RSF1: variants seen among roughly 807,000 people sequenced by gnomAD.
The protein encoded by RSF1 is HBV pX-associated protein 8.
In RSF1, 13 loss-of-function variants were observed where a neutral mutation model predicts 145.2. The ratio of observed to expected loss-of-function variants is 0.09; its 90% CI spans 0.06 to 0.14. The LOEUF (loss-of-function observed/expected upper bound fraction) is 0.14, where lower values mean the gene tolerates loss of function less well. RSF1 is among the 10% of genes least tolerant of loss of function. The pLI is 1.00. For synonymous variants in RSF1, 577 were observed against 592.6 expected (o/e 0.97, Z 0.38); for missense variants, 1,517 against 1,718.2 (o/e 0.88, Z 2.07).
At chr11:77,798,635 C>T (rs372999112) in intron 1 of RSF1, among the ~76,000 whole-genome samples, 2 of 93,428 alleles carry the variant, frequency 2.1e-5, no homozygotes, top group Admixed American at 2.5e-4. Context: ...CACATATACA[C>T]CATGGAATAC....
At chr11:77,728,574 A>AAAGGGAAGGGAAGGAAAAAGGG (rs1961116148) in intron 4 of RSF1, among the ~76,000 whole-genome samples, 1 of 151,246 alleles carries the variant, frequency 6.6e-6, no homozygotes, top group Non-Finnish European at 1.5e-5. Context: ...AAGGAAGAGG[A>AAAGGGAAGGGAAGGAAAAAGGG]AAGGGAAGGG....
intron 1 of RSF1, among the ~76,000 whole-genome samples, chr11:77,820,263 C>A (rs1292668833): frequency 6.6e-6 from 1 of 152,198 alleles, no homozygotes; most frequent in South Asian, 2.1e-4. Context: ...ATGACCCCTC[C>A]CCGCCTCCAG....
chr11:77,676,577 T>C (rs1959707830), intron 13 of RSF1, among the ~76,000 whole-genome samples: 1 of 152,238 alleles, frequency 6.6e-6, no homozygotes, highest in South Asian at 2.1e-4. Context: ...CAATTTTGAA[T>C]GTTAAACAAC....
the RSF1 span, among the ~76,000 whole-genome samples, chr11:77,849,552 G>C: frequency 6.6e-6 from 1 of 152,116 alleles, no homozygotes; most frequent in African/African-American, 2.4e-5. Context: ...TAGAGACAGG[G>C]TCTCACTCTG....
In RSF1 at chr11:77,702,231, G is replaced by GGATCTGCTCTAC. The variant is rs1687478640; in HGVS notation, c.986_997dup (p.Asp332_Pro333insArgArgAlaAsp). 6.2e-7 allele frequency: 1 copy of GGATCTGCTCTAC among 1,613,676 alleles called. No homozygotes were observed. The highest frequency in any genetic ancestry group is 1.3e-5 in the African/African-American group (1 of 74,986). On this transcript the variant is annotated inframe_insertion, in exon 6 of 16. Transcript: ENST00000308488. The stretch of plus-strand genomic sequence containing the variant: ...CTCCATGCTACTTTTGGTATCTTTA[G>GGATCTGCTCTAC]GATCTGCTCTACATTCCTTCACCTC...
At chr11:77,779,469 G>A (rs896728938) in intron 1 of RSF1, among the ~76,000 whole-genome samples, 1 of 150,624 alleles carries the variant, frequency 6.6e-6, no homozygotes, top group African/African-American at 2.4e-5. Context: ...TGCAACCTCC[G>A]CCTCCTGGGT....
At chr11:77,788,684 T>C (rs1444410323) in intron 1 of RSF1, among the ~76,000 whole-genome samples, 22 of 151,996 alleles carry the variant, frequency 1.4e-4, no homozygotes. Flanking sequence ...TCCCAGTGGA[T>C]ACAGTTAAAC....
intron 1 of RSF1, among the ~76,000 whole-genome samples, chr11:77,782,868 T>C (rs1948418238): frequency 6.6e-6 from 1 of 152,232 alleles, no homozygotes; most frequent in Non-Finnish European, 1.5e-5. Flanking sequence ...TCTGACTCTT[T>C]ACAGAAAAAC....
chr11:77,783,302 A>T (rs998668555), intron 1 of RSF1, among the ~76,000 whole-genome samples: 33 of 152,220 alleles, frequency 2.2e-4, no homozygotes, highest in African/African-American at 7.7e-4. Context: ...ATTACCTTTT[A>T]AAAAGACTTT....
rs1959217930 is a variant in RSF1, at chr11:77,660,066, G to C, written c.*6851C>G. On this transcript the variant is annotated 3_prime_UTR_variant, in exon 16 of 16. Transcript: ENST00000308488. Reference sequence around the variant, plus strand: ...ATATTAAGTGAAAGAAATGACAGAAGTATTATAATAAAACATTTTGAAAGA... The same window carrying C: ...ATATTAAGTGAAAGAAATGACAGAACTATTATAATAAAACATTTTGAAAGA... The C allele has an allele frequency of 2.0e-5, 3 of 152,066 alleles. No homozygotes were observed. The highest frequency in any genetic ancestry group is 2.0e-4 in the Admixed American group (3 of 15,252). The allele number at this position is 152,066 out of a possible 1,614,324, so 9.4% of individuals were successfully genotyped here.
At chr11:77,855,852 C>T in the RSF1 span, among the ~76,000 whole-genome samples, 2 of 151,786 alleles carry the variant, frequency 1.3e-5, no homozygotes, top group Non-Finnish European at 2.9e-5. Flanking sequence ...GTAATCCCAG[C>T]ACTTTGGGAG....
the RSF1 span, among the ~76,000 whole-genome samples, chr11:77,835,455 T>C: frequency 7.4e-6 from 1 of 134,738 alleles, no homozygotes; most frequent in African/African-American, 3.0e-5. Flanking sequence ...CCACTATGCT[T>C]TGGGGTATGT....
intron 1 of RSF1, among the ~76,000 whole-genome samples, chr11:77,793,667 A>T (rs1948543017): frequency 6.6e-6 from 1 of 152,190 alleles, no homozygotes; most frequent in Non-Finnish European, 1.5e-5. Context: ...TGGCTGCGAC[A>T]TCTGTCACTC....
intron 5 of RSF1, among the ~76,000 whole-genome samples, chr11:77,704,753 GTTTT>G (rs72141127): frequency 7.4e-6 from 1 of 134,520 alleles, no homozygotes; most frequent in African/African-American, 2.7e-5. Flanking sequence ...GTTTGCCTTG[GTTTT>G]TTTTTTTTTT....
At chr11:77,835,353 CCTG>C in the RSF1 span, among the ~76,000 whole-genome samples, 1 of 152,100 alleles carries the variant, frequency 6.6e-6, no homozygotes, top group East Asian at 1.9e-4. Context: ...GAGGCTGAAA[CCTG>C]GAAGCCACCT....
At chr11:77,673,328 G>C (rs1008586886) in intron 14 of RSF1, among the ~76,000 whole-genome samples, 4 of 152,228 alleles carry the variant, frequency 2.6e-5, no homozygotes, top group Admixed American at 2.0e-4. Context: ...TGATCAATAA[G>C]CCAGAGTGAG....
At chr11:77,805,882 G>C (rs1167249506) in intron 1 of RSF1, among the ~76,000 whole-genome samples, 1 of 152,092 alleles carries the variant, frequency 6.6e-6, no homozygotes, top group East Asian at 1.9e-4. Flanking sequence ...CTCAGTAAAT[G>C]GAACTACTAA....
the RSF1 span, among the ~76,000 whole-genome samples, chr11:77,852,244 A>AAAAAAAG: frequency 1.4e-5 from 2 of 146,532 alleles, no homozygotes; most frequent in African/African-American, 5.0e-5. Context: ...AAAAAAAAGA[A>AAAAAAAG]GAAGAAGAAG....
chr11:77,844,118 C>A, the RSF1 span, among the ~76,000 whole-genome samples: 3 of 152,100 alleles, frequency 2.0e-5, no homozygotes, highest in African/African-American at 7.2e-5. Flanking sequence ...CAGCCCTCTT[C>A]TAGTTTGCAG....
Sources: gnomAD v4.1 joint callset for allele counts (sites outside exome capture counted in the v4.1 genomes callset) on GRCh38, gnomAD v4.1.1 for gene constraint, MANE v1.5 for transcripts, NCBI Gene and HGNC (gene_info 2026-07-23, HGNC 2026-07-21) for gene names.